GRIP1: variants seen among roughly 807,000 people sequenced by gnomAD.
The protein encoded by GRIP1 is glutamate receptor interacting protein 1.
Under a neutral mutation model 129.9 loss-of-function variants are expected in GRIP1, and 45 were observed. The ratio of observed to expected loss-of-function variants is 0.35; its 90% CI spans 0.27 to 0.44. The LOEUF (loss-of-function observed/expected upper bound fraction) is 0.44. Ranked by LOEUF, GRIP1 falls within the 20% of genes least tolerant of loss-of-function variation. The pLI is 1.00. For synonymous variants in GRIP1, 530 were observed against 520.8 expected (o/e 1.02, Z -0.24); for missense variants, 1,196 against 1,396.8 (o/e 0.86, Z 2.29).
chr12:66,821,254 G>A (rs2039312556), intron 1 of GRIP1, among the ~76,000 whole-genome samples: 1 of 152,128 alleles, frequency 6.6e-6, no homozygotes, highest in Admixed American at 6.6e-5. Flanking sequence ...GTAGAGACAA[G>A]TTAGCAAATT....
At position 66,481,350 on chromosome 12, in the gene GRIP1, C is replaced by T. The variant is rs58078387; in HGVS notation, c.725-15928G>A. On this transcript the variant is annotated intron_variant, in intron 7 of 24. Transcript: ENST00000359742. ...TGGCCAACAAACATCTGAAAAAAAG[C>T]TCATCATCACTGGTCATTAGAGAAA... Among the ~76,000 whole-genome samples, 365 of 152,018 alleles carry T rather than the reference C, an allele frequency of 2.4e-3. 1 individual carries two copies. The highest frequency in any genetic ancestry group is 7.4e-3 in the African/African-American group (309 of 41,478).
intron 1 of GRIP1, among the ~76,000 whole-genome samples, chr12:66,870,595 C>T (rs184197271): frequency 1.2e-3 from 188 of 152,238 alleles, no homozygotes; most frequent in African/African-American, 4.2e-3. Flanking sequence ...ATTCTGAATG[C>T]ACCTAATCTA....
intron 15 of GRIP1, among the ~76,000 whole-genome samples, chr12:66,408,681 T>C (rs1349797639): frequency 6.6e-6 from 1 of 152,020 alleles, no homozygotes; most frequent in Non-Finnish European, 1.5e-5. Flanking sequence ...ATCTTGAAGC[T>C]TAGGTACCAG....
chr12:66,900,958 G>A (rs1417465794), intron 1 of GRIP1, among the ~76,000 whole-genome samples: 1 of 152,168 alleles, frequency 6.6e-6, no homozygotes, highest in Non-Finnish European at 1.5e-5. Flanking sequence ...TTTTTTGAAA[G>A]TAGGAAGGGA....
chr12:66,924,302 G>C (rs77777286), intron 1 of GRIP1, among the ~76,000 whole-genome samples: 3 of 152,134 alleles, frequency 2.0e-5, no homozygotes, highest in South Asian at 2.1e-4. Flanking sequence ...CTGGCACACA[G>C]TGGGCACATA....
intron 1 of GRIP1, among the ~76,000 whole-genome samples, chr12:66,756,554 A>T (rs2037292898): frequency 6.6e-6 from 1 of 152,150 alleles, no homozygotes. Context: ...TTTCTGATGA[A>T]CACCTGGTTC....
chr12:66,375,485 C>T (rs539868254), intron 22 of GRIP1, among the ~76,000 whole-genome samples: 2 of 152,120 alleles, frequency 1.3e-5, no homozygotes, highest in South Asian at 2.1e-4. Flanking sequence ...ATAGCATTTC[C>T]AATCAAGGGA....
intron 1 of GRIP1, among the ~76,000 whole-genome samples, chr12:67,041,098 T>C (rs907615742): frequency 2.0e-5 from 3 of 152,176 alleles, no homozygotes; most frequent in Non-Finnish European, 2.9e-5. Context: ...ATTGGATTTT[T>C]GGACTCATCT....
intron 1 of GRIP1, among the ~76,000 whole-genome samples, chr12:66,667,899 T>C (rs1286443740): frequency 1.3e-5 from 2 of 152,218 alleles, no homozygotes; most frequent in East Asian, 1.9e-4. Flanking sequence ...GTTTGAAGCC[T>C]GTCTGTGGTT....
intron 1 of GRIP1, among the ~76,000 whole-genome samples, chr12:66,978,985 T>C (rs1408070590): frequency 6.6e-6 from 1 of 151,976 alleles, no homozygotes; most frequent in African/African-American, 2.4e-5. Flanking sequence ...CCAAGCTTTA[T>C]GCCTCCAGCA....
intron 1 of GRIP1, among the ~76,000 whole-genome samples, chr12:66,670,104 G>T (rs915402805): frequency 6.6e-6 from 1 of 152,150 alleles, no homozygotes; most frequent in Admixed American, 6.6e-5. Context: ...TGCATGAGTA[G>T]CTATGTCCAT....
intron 1 of GRIP1, among the ~76,000 whole-genome samples, chr12:66,660,742 T>C (rs976026490): frequency 1.8e-4 from 28 of 152,260 alleles, no homozygotes; most frequent in African/African-American, 6.5e-4. Context: ...TTTGCTTTTA[T>C]TCAGATATTT....
At chr12:66,605,301 G>A (rs905056324) in intron 1 of GRIP1, among the ~76,000 whole-genome samples, 12 of 152,022 alleles carry the variant, frequency 7.9e-5, no homozygotes, top group African/African-American at 2.9e-4. Context: ...GAACGTTTTT[G>A]GATTTCTAAT....
At chr12:66,917,063 C>T (rs890070620) in intron 1 of GRIP1, among the ~76,000 whole-genome samples, 5 of 152,164 alleles carry the variant, frequency 3.3e-5, no homozygotes, top group African/African-American at 9.6e-5. Flanking sequence ...TGATCTCCAA[C>T]ACATTTCTCA....
At position 66,614,848 on chromosome 12, in the gene GRIP1, T is replaced by A. The variant is rs552431190; in HGVS notation, c.56-17921A>T. Among the ~76,000 whole-genome samples, 3 of 152,274 alleles carry A rather than the reference T, an allele frequency of 2.0e-5. No individual in the cohort carries two copies. The East Asian group carries it at 5.8e-4, about 29-fold the overall frequency. ...CAAGCTCATTCTCACCTTAGAACTT[T>A]GACTAAACCTTGCTACTCCTTCTGC... On this transcript the variant is annotated intron_variant, in intron 1 of 24. Coordinates refer to ENST00000359742, the MANE Select transcript of GRIP1 (RefSeq NM_001366722.1).
At chr12:67,030,211 A>AAATAATAATAATAAT (rs67187831) in intron 1 of GRIP1, among the ~76,000 whole-genome samples, 10 of 145,544 alleles carry the variant, frequency 6.9e-5, no homozygotes, top group African/African-American at 1.5e-4. Flanking sequence ...ACTCTGTCTC[A>AAATAATAATAATAAT]AATAATAATA....
intron 15 of GRIP1, among the ~76,000 whole-genome samples, chr12:66,415,714 T>C (rs888068848): frequency 7.9e-5 from 12 of 152,154 alleles, no homozygotes; most frequent in African/African-American, 2.4e-4. Flanking sequence ...ATGTGATATA[T>C]ATACACACAG....
intron 9 of GRIP1, 146 bp downstream of exon 9, chr12:66,462,778 G>T: frequency 3.3e-6 from 2 of 609,806 alleles, no homozygotes; most frequent in Non-Finnish European, 5.8e-6. Context: ...TTCCAGTCTG[G>T]GGGACAGAGT....
chr12:66,465,235 T>G, intron 8 of GRIP1, 40 bp downstream of exon 8: 1 of 1,590,864 alleles, frequency 6.3e-7, no homozygotes, highest in Non-Finnish European at 8.6e-7. Context: ...CGTGAGCCAC[T>G]GCGCCTGGCG....
Sources: allele counts gnomAD v4.1 joint callset (sites outside exome capture counted in the v4.1 genomes callset), GRCh38; gene constraint gnomAD v4.1.1; transcripts MANE v1.5; gene names NCBI Gene and HGNC (gene_info 2026-07-23, HGNC 2026-07-21).